Variants in UBE3D observed in about 807,000 individuals in gnomAD.
UBE3D encodes E3 ubiquitin-protein ligase E3D.
In UBE3D, 48 loss-of-function variants were observed where a neutral mutation model predicts 49.6. That is an observed-to-expected ratio of 0.97 (90% confidence interval 0.77 to 1.23). The LOEUF (loss-of-function observed/expected upper bound fraction) is 1.23, where lower values mean the gene tolerates loss of function less well. Ranked by LOEUF, UBE3D falls within the 50% of genes most tolerant of loss-of-function variation. The probability of loss-of-function intolerance (pLI) is 0.00; values close to 1 mark genes in which losing one functional copy is unlikely to be tolerated. For missense variants in UBE3D, 452 were observed against 468.4 expected, an observed-to-expected ratio of 0.96 and a Z score of 0.32; for synonymous variants, 189 against 174.2, an observed-to-expected ratio of 1.08 and a Z score of -0.67.
intron 5 of UBE3D, among the ~76,000 whole-genome samples, chr6:83,033,960 C>T (rs1782060587): frequency 6.6e-6 from 1 of 152,178 alleles, no homozygotes; most frequent in Non-Finnish European, 1.5e-5. Flanking sequence ...GTCCGTCTGC[C>T]TCCCCAGGCA....
rs375392975 is a variant in UBE3D at position 82,975,302 on chromosome 6, GAA to G, written c.1011-17854_1011-17853del. Among the ~76,000 whole-genome samples, 82 of 152,158 alleles carry G rather than the reference GAA, an allele frequency of 5.4e-4. No homozygotes were observed. In the East Asian group the frequency reaches 0.014, roughly 27 times the overall value. On this transcript the variant is annotated intron_variant, in intron 8 of 9. Transcript: ENST00000369747. Reference sequence around the variant, plus strand: ...ATGACTGTAGATTTAAATTGACATGGAAAGACAGTCATAATATTTTGATAAGT... The same window carrying G: ...ATGACTGTAGATTTAAATTGACATGGAGACAGTCATAATATTTTGATAAGT...
intron 9 of UBE3D, among the ~76,000 whole-genome samples, chr6:82,907,613 G>C (rs561462546): frequency 6.6e-6 from 1 of 152,232 alleles, no homozygotes; most frequent in Admixed American, 6.5e-5. Context: ...CATATCATTG[G>C]TTGTTAGGGA....
intron 9 of UBE3D, among the ~76,000 whole-genome samples, chr6:82,908,970 C>T (rs547069173): frequency 3.3e-4 from 50 of 152,274 alleles, no homozygotes; most frequent in African/African-American, 1.2e-3. Flanking sequence ...ATTTCACTTG[C>T]CCCTCTCTGT....
downstream of UBE3D, among the ~76,000 whole-genome samples, chr6:82,889,405 C>T (rs1308925970): frequency 2.6e-5 from 4 of 152,190 alleles, no homozygotes; most frequent in Non-Finnish European, 2.9e-5. Flanking sequence ...TGGGTCTAAT[C>T]GGATTCTTTT....
chr6:82,967,222 C>T (rs1777007041), intron 8 of UBE3D, among the ~76,000 whole-genome samples: 3 of 152,192 alleles, frequency 2.0e-5, no homozygotes, highest in Admixed American at 1.3e-4. Flanking sequence ...CTATCCTTCA[C>T]CCTGCTTCCC....
chr6:82,959,535 T>C (rs1389463736), intron 8 of UBE3D, among the ~76,000 whole-genome samples: 1 of 151,778 alleles, frequency 6.6e-6, no homozygotes, highest in Non-Finnish European at 1.5e-5. Context: ...GGAGACTATT[T>C]GCAGCGTCAT....
At chr6:82,995,544 A>T (rs1323313805) in intron 8 of UBE3D, among the ~76,000 whole-genome samples, 1 of 151,616 alleles carries the variant, frequency 6.6e-6, no homozygotes, top group Non-Finnish European at 1.5e-5. Flanking sequence ...GCAAAGGAAC[A>T]TGAACAGGCT....
intron 8 of UBE3D, among the ~76,000 whole-genome samples, chr6:82,994,275 CA>C (rs895686664): frequency 6.6e-6 from 1 of 151,794 alleles, no homozygotes; most frequent in Non-Finnish European, 1.5e-5. Flanking sequence ...GAAATATTAC[CA>C]AAAAAATAGA....
intron 9 of UBE3D, among the ~76,000 whole-genome samples, chr6:82,897,638 C>T (rs159052): frequency 0.059 from 9,009 of 151,974 alleles, 899 homozygotes; most frequent in African/African-American, 0.21. Context: ...ATCTAGTTTC[C>T]AAGATCCAAA....
chr6:82,993,773 G>C (rs1273098880), intron 8 of UBE3D, among the ~76,000 whole-genome samples: 1 of 152,118 alleles, frequency 6.6e-6, no homozygotes, highest in Non-Finnish European at 1.5e-5. Flanking sequence ...ATTAATAACA[G>C]GGAAATCTCT....
At chr6:82,902,586 C>T (rs1057349637) in intron 9 of UBE3D, among the ~76,000 whole-genome samples, 12 of 152,102 alleles carry the variant, frequency 7.9e-5, no homozygotes, top group Non-Finnish European at 1.5e-4. Context: ...AAGTCAAGGA[C>T]AGAGCAGTGA....
intron 8 of UBE3D, among the ~76,000 whole-genome samples, chr6:82,971,321 G>A (rs781560956): frequency 7.9e-5 from 12 of 151,876 alleles, no homozygotes; most frequent in Non-Finnish European, 1.5e-4. Context: ...GCTGAGAAAC[G>A]CATTTCTAAT....
At chr6:83,048,079 C>CAAAAAA in intron 3 of UBE3D, among the ~76,000 whole-genome samples, 1 of 48,062 alleles carries the variant, frequency 2.1e-5, no homozygotes, top group Non-Finnish European at 3.5e-5. Flanking sequence ...GACTCCAGCT[C>CAAAAAA]AAAAAAAAAA....
chr6:82,999,506 T>C lies in UBE3D; in HGVS notation c.1010+19467A>G, dbSNP rs2127743266. ...TTCAAGTGGTTCTCCTGTCTTAGCC[T>C]CCCAAGTAGCTGGGACTATAGGTGC... On this transcript the variant is annotated intron_variant, in intron 8 of 9. Transcript: ENST00000369747. Among the ~76,000 whole-genome samples the C allele has an allele frequency of 3.3e-5, 5 of 152,262 alleles. 1 individual carries two copies. The South Asian group carries it at 1.0e-3, about 32-fold the overall frequency.
intron 8 of UBE3D, among the ~76,000 whole-genome samples, chr6:82,995,115 A>T (rs1779147085): frequency 6.6e-6 from 1 of 152,192 alleles, no homozygotes; most frequent in Non-Finnish European, 1.5e-5. Flanking sequence ...GAAGAGGCCA[A>T]AAGAAAGAGG....
At chr6:82,997,595 TG>T (rs1779334090) in intron 8 of UBE3D, among the ~76,000 whole-genome samples, 1 of 152,004 alleles carries the variant, frequency 6.6e-6, no homozygotes, top group African/African-American at 2.4e-5. Context: ...GGCGGGTGCC[TG>T]TAGTCCCAGC....
At chr6:83,046,904 G>T (rs568044903) in intron 3 of UBE3D, among the ~76,000 whole-genome samples, 5 of 152,220 alleles carry the variant, frequency 3.3e-5, no homozygotes, top group African/African-American at 4.8e-5. Flanking sequence ...ATCTGAGCTG[G>T]CCTTTGAAAG....
intron 8 of UBE3D, among the ~76,000 whole-genome samples, chr6:82,984,089 C>T (rs1275710359): frequency 1.3e-5 from 2 of 152,070 alleles, no homozygotes; most frequent in Admixed American, 6.6e-5. Context: ...TTCTTCCTTC[C>T]TTTATAAATA....
intron 8 of UBE3D, among the ~76,000 whole-genome samples, chr6:82,987,877 T>A (rs1778629187): frequency 6.6e-6 from 1 of 152,156 alleles, no homozygotes; most frequent in Non-Finnish European, 1.5e-5. Context: ...CAAAAGAATA[T>A]CTTACAGCAA....
Sources: gnomAD v4.1 joint callset for allele counts (sites outside exome capture counted in the v4.1 genomes callset) on GRCh38, gnomAD v4.1.1 for gene constraint, MANE v1.5 for transcripts, NCBI Gene and HGNC (gene_info 2026-07-23, HGNC 2026-07-21) for gene names.